The following GREP1 variants were observed in gnomAD, a reference collection of about 807,000 sequenced individuals.
GREP1 encodes glycine rich extracellular protein 1, also known as glycine-rich extracellular protein 1.
At position 2,989,290 on chromosome 16, in the gene GREP1, C is replaced by A; in HGVS notation, c.101-233C>A. Reference sequence around the variant, plus strand: ...CCCCAGACTGCTCACCTCCTCTGCCCTCTACCCTCCTGTGACAGCAGGGAA... The same window carrying A: ...CCCCAGACTGCTCACCTCCTCTGCCATCTACCCTCCTGTGACAGCAGGGAA... On this transcript the variant is annotated intron_variant, in intron 2 of 34. Coordinates refer to ENST00000573315, the Ensembl canonical transcript of GREP1. This position sits in a 1 kb window ranked among gnomAD's most constrained non-coding sequence, Gnocchi z 4.2. The A allele has an allele frequency of 2.6e-6, 1 of 392,060 alleles. No homozygotes were observed. Among genetic ancestry groups the A allele is most frequent in the Non-Finnish European group, 4.5e-6 (1 of 222,354 alleles). 24.3% of individuals were successfully genotyped at this position (392,060 alleles called of 1,614,324 possible).
rs767039502 is a variant in GREP1, at chr16:2,989,857, C to T, written c.131-117C>T. 12 of 398,374 alleles carry T rather than the reference C, an allele frequency of 3.0e-5. No individual in the cohort carries two copies. Among genetic ancestry groups the T allele is most frequent in the Non-Finnish European group, 4.4e-5 (10 of 226,096 alleles). The allele number at this position is 398,374 out of a possible 1,614,324, so 24.7% of individuals were successfully genotyped here. ...CCACCTGTGCCCCACAGCCCTCCCC[C>T]ATCATGGGAAGGGACTGAGTTCCCA... On this transcript the variant is annotated intron_variant, in intron 3 of 34. Coordinates refer to ENST00000573315, the Ensembl canonical transcript of GREP1. This position sits in a 1 kb window ranked among gnomAD's most constrained non-coding sequence, Gnocchi z 4.2.
At chr16:2,998,966 T>C (rs1596463088) in exon 26 of GREP1, 1 of 399,108 alleles carries the variant, frequency 2.5e-6, no homozygotes, top group East Asian at 3.6e-5. Context: ...CAGTGCAGAA[T>C]GGCAAGTTAC....
intron 19 of GREP1, 31 bp from the exon 19 acceptor site, chr16:2,996,642 G>A (rs770880302): frequency 5.5e-5 from 22 of 398,982 alleles, no homozygotes; most frequent in Non-Finnish European, 7.1e-5. Flanking sequence ...GCACTGGCTG[G>A]AGTTGATGTC....
chr16:2,995,001 T>C (rs2072417430), intron 13 of GREP1, 39 bp downstream of exon 14: 1 of 399,016 alleles, frequency 2.5e-6, no homozygotes, highest in Non-Finnish European at 4.4e-6. Context: ...GGTCTGCATC[T>C]GGGCGGCCTC....
rs888092143 is a variant in GREP1 at position 2,989,759 on chromosome 16, G to C, written c.130+207G>C. On this transcript the variant is annotated intron_variant, in intron 3 of 34. Coordinates refer to ENST00000573315, the Ensembl canonical transcript of GREP1. This position sits in a 1 kb window ranked among gnomAD's most constrained non-coding sequence, Gnocchi z 4.2. ...GAAGGCAGGCAGGAAGAAATGGAGC[G>C]GGGAGGGAAGAAAGGAAAGAGAGCA... 1.3e-5 allele frequency among the ~76,000 whole-genome samples: 2 copies of C among 152,020 alleles called. No individual in the cohort carries two copies. Among genetic ancestry groups the C allele is most frequent in the African/African-American group, 2.4e-5 (1 of 41,394 alleles).
chr16:2,989,637 C>CG lies in GREP1; in HGVS notation c.130+91dup. On this transcript the variant is annotated intron_variant, in intron 3 of 34. Coordinates refer to ENST00000573315, the Ensembl canonical transcript of GREP1. This position sits in a 1 kb window ranked among gnomAD's most constrained non-coding sequence, Gnocchi z 4.2. ...CAGGACAGGAACAGGGAAAGCTGGG[C>CG]GGGGGGCAGGTAAAGGGGGAAGCAG... 2 of 347,138 alleles carry CG rather than the reference C, an allele frequency of 5.8e-6. No homozygotes were observed. The highest frequency in any genetic ancestry group is 1.7e-4 in the South Asian group (1 of 5,926). 21.5% of individuals were successfully genotyped at this position (347,138 alleles called of 1,614,324 possible). A position where few individuals can be genotyped will look rare whatever the true frequency, so the allele number is the denominator to read the frequency against.
intron 23 of GREP1, 84 bp downstream of exon 21, chr16:2,997,919 T>C (rs1269444231): frequency 5.0e-6 from 2 of 398,060 alleles, no homozygotes; most frequent in Non-Finnish European, 8.9e-6. Flanking sequence ...CTGTACCCTG[T>C]CTCCCCATGG....
At chr16:2,995,002 G>T in intron 13 of GREP1, 40 bp downstream of exon 14, 1 of 399,164 alleles carries the variant, frequency 2.5e-6, no homozygotes, top group South Asian at 1.3e-4. Context: ...GTCTGCATCT[G>T]GGCGGCCTCT....
In GREP1 at chr16:2,997,653, G is replaced by A. The variant is rs1169839176; in HGVS notation, c.917-150G>A. On this transcript the variant is annotated intron_variant, in intron 22 of 34. Coordinates refer to ENST00000573315, the Ensembl canonical transcript of GREP1. The stretch of plus-strand genomic sequence containing the variant: ...CTTCTGTACCCCAACCTCTCCCCAT[G>A]CCGCCCCCACAGACCCTGCAGTTCC... 5 of 397,744 alleles carry A rather than the reference G, an allele frequency of 1.3e-5. No individual in the cohort carries two copies. In the East Asian group the frequency reaches 1.8e-4, roughly 14 times the overall value. The allele number at this position is 397,744 out of a possible 1,614,324, so 24.6% of individuals were successfully genotyped here. A position where few individuals can be genotyped will look rare whatever the true frequency, so the allele number is the denominator to read the frequency against.
chr16:3,001,897 G>A (rs1274758948), exon 35 of GREP1: 5 of 358,186 alleles, frequency 1.4e-5, no homozygotes, highest in Non-Finnish European at 2.5e-5. Flanking sequence ...GGCATCACTT[G>A]GTGACCGCCT....
chr16:2,994,670 G>C (rs1194543278), intron 10 of GREP1, 28 bp from the exon 12 acceptor site: 5 of 399,000 alleles, frequency 1.3e-5, no homozygotes, highest in African/African-American at 2.1e-5. Context: ...GGGCTCCGGA[G>C]GGCCTTAACC....
exon 35 of GREP1, chr16:3,001,684 C>T (rs777210542): frequency 5.0e-6 from 2 of 399,046 alleles, no homozygotes; most frequent in Non-Finnish European, 8.8e-6. Flanking sequence ...GCTAGAACCA[C>T]AAACGTGCTT....
At chr16:2,995,846 T>C (rs546989966) in intron 17 of GREP1, 75 bp downstream of exon 17, 19 of 398,044 alleles carry the variant, frequency 4.8e-5, no homozygotes, top group Middle Eastern at 6.3e-4. Context: ...TCATGCTCCC[T>C]CCCTCTCCAG....
chr16:2,999,440 G>A (rs936310202), intron 27 of GREP1: 193 of 321,168 alleles, frequency 6.0e-4, no homozygotes, highest in Middle Eastern at 2.6e-3. Flanking sequence ...TCAGGCACCC[G>A]AAGGCCAGGA....
rs374985057 is a variant in GREP1 at position 2,988,631 on chromosome 16, G to C, written c.100+9G>C. 192 of 399,238 alleles carry C rather than the reference G, an allele frequency of 4.8e-4. 1 individual carries two copies. In the South Asian group the frequency reaches 8.1e-3, roughly 17 times the overall value. 24.7% of individuals were successfully genotyped at this position (399,238 alleles called of 1,614,324 possible). A position where few individuals can be genotyped will look rare whatever the true frequency, so the allele number is the denominator to read the frequency against. Reference sequence around the variant, plus strand: ...TCCTGGCCTGGGGAAAGGTAGGTGGGCCCTCTGGCACTGGGGTCAGGAAGA... The same window carrying C: ...TCCTGGCCTGGGGAAAGGTAGGTGGCCCCTCTGGCACTGGGGTCAGGAAGA... On this transcript the variant is annotated intron_variant, in intron 2 of 34. Transcript: ENST00000573315.
In GREP1 at chr16:2,989,205, G is replaced by T; in HGVS notation, c.101-318G>T. 2.9e-6 allele frequency: 1 copy of T among 349,592 alleles called. No homozygotes were observed. 21.7% of individuals were successfully genotyped at this position (349,592 alleles called of 1,614,324 possible). A position where few individuals can be genotyped will look rare whatever the true frequency, so the allele number is the denominator to read the frequency against. Reference sequence around the variant, plus strand: ...GTGGGCTCTGCCCCACAGTCCCCCAGAGCCCTGGCTCAGACACCTTCCTCC... The same window carrying T: ...GTGGGCTCTGCCCCACAGTCCCCCATAGCCCTGGCTCAGACACCTTCCTCC... On this transcript the variant is annotated intron_variant, in intron 2 of 34. Transcript: ENST00000573315. The surrounding 1 kb of genome is among the most constrained non-coding windows in gnomAD (Gnocchi z 4.2).
At chr16:2,995,011 C>T (rs1314939975) in intron 13 of GREP1, 49 bp downstream of exon 14, 3 of 398,926 alleles carry the variant, frequency 7.5e-6, no homozygotes, top group Admixed American at 4.4e-5. Flanking sequence ...TGGGCGGCCT[C>T]TTCCTCCCAG....
chr16:2,995,030 T>G (rs1386256842), intron 13 of GREP1, 68 bp downstream of exon 14: 1 of 398,644 alleles, frequency 2.5e-6, no homozygotes, highest in African/African-American at 2.1e-5. Flanking sequence ...AGGGGCGGGA[T>G]TGGTGAATGA....
At position 3,000,256 on chromosome 16, in the gene GREP1, C is replaced by G. The variant is rs148901696; in HGVS notation, c.1265-36C>G. ...CCTGATGCTGTCCCTGTTCCACTAG[C>G]CTGTCCCTAGCTCCTCTCCAATCTC... On this transcript the variant is annotated intron_variant, in intron 29 of 34. Coordinates refer to ENST00000573315, the Ensembl canonical transcript of GREP1. 6.9e-3 allele frequency: 2,752 copies of G among 399,550 alleles called. 23 individuals carry two copies. The highest frequency in any genetic ancestry group is 0.041 in the Middle Eastern group (65 of 1,590). 24.8% of individuals were successfully genotyped at this position (399,550 alleles called of 1,614,324 possible).
Sources: gnomAD v4.1 joint callset for allele counts (sites outside exome capture counted in the v4.1 genomes callset) on GRCh38, gnomAD v4.1.1 for gene constraint, Gnocchi (gnomAD v3.1) non-coding constraint, MANE v1.5 for transcripts, NCBI Gene and HGNC (gene_info 2026-07-23, HGNC 2026-07-21) for gene names.